Variants in ERBB4 observed in about 807,000 individuals in gnomAD.
ERBB4 encodes receptor tyrosine-protein kinase erbB-4.
A neutral mutation model predicts 158.0 loss-of-function variants in ERBB4; 42 were observed. The observed-to-expected ratio is 0.27, with a 90% CI of 0.21 to 0.34. ERBB4 has a LOEUF of 0.34. Ranked by LOEUF, ERBB4 falls within the 10% of genes least tolerant of loss-of-function variation. The pLI is 1.00. For synonymous variants in ERBB4, 583 were observed against 558.7 expected (o/e 1.04, Z -0.61); for missense variants, 1,333 against 1,624.1 (o/e 0.82, Z 3.08).
intron 1 of ERBB4, among the ~76,000 whole-genome samples, chr2:212,240,033 TG>T (rs768487171): frequency 1.2e-4 from 18 of 152,212 alleles, no homozygotes; most frequent in Non-Finnish European, 2.1e-4. Flanking sequence ...TCTGTAGCTA[TG>T]GTTAGACACC....
chr2:211,584,406 C>T (rs912280739), intron 19 of ERBB4, among the ~76,000 whole-genome samples: 4 of 151,982 alleles, frequency 2.6e-5, no homozygotes, highest in South Asian at 4.1e-4. Flanking sequence ...ATATGTTTAA[C>T]GAAATAGCAT....
intron 2 of ERBB4, among the ~76,000 whole-genome samples, chr2:212,064,825 C>A (rs1232389974): frequency 6.6e-6 from 1 of 151,970 alleles, no homozygotes; most frequent in Non-Finnish European, 1.5e-5. Context: ...GAGACCAGAA[C>A]AAGTAACTAT....
At chr2:211,666,424 T>A (rs1021858247) in intron 14 of ERBB4, among the ~76,000 whole-genome samples, 1 of 152,170 alleles carries the variant, frequency 6.6e-6, no homozygotes, top group African/African-American at 2.4e-5. Context: ...ATATGTGGAA[T>A]GTTAATAAGT....
intron 1 of ERBB4, among the ~76,000 whole-genome samples, chr2:212,265,786 T>C (rs941671205): frequency 6.6e-6 from 1 of 152,104 alleles, no homozygotes; most frequent in Non-Finnish European, 1.5e-5. Context: ...TCAATTACTT[T>C]GTCTTTCTGA....
chr2:211,864,441 T>C (rs1469866733), intron 3 of ERBB4, among the ~76,000 whole-genome samples: 1 of 152,130 alleles, frequency 6.6e-6, no homozygotes, highest in Admixed American at 6.5e-5. Flanking sequence ...GCTGCATGCT[T>C]GCACAAAAGC....
chr2:212,098,291 C>T (rs956472234), intron 2 of ERBB4, among the ~76,000 whole-genome samples: 2 of 152,082 alleles, frequency 1.3e-5, no homozygotes, highest in Non-Finnish European at 2.9e-5. Context: ...CTTGACTTTG[C>T]ATTTAAAGGG....
intron 20 of ERBB4, among the ~76,000 whole-genome samples, chr2:211,464,895 C>A (rs2064634989): frequency 6.6e-6 from 1 of 151,476 alleles, no homozygotes; most frequent in Non-Finnish European, 1.5e-5. Flanking sequence ...TGCATATTAA[C>A]AAGCACAATA....
chr2:212,066,257 G>A lies in ERBB4; in HGVS notation c.234+58495C>T, dbSNP rs547317612. On this transcript the variant is annotated intron_variant, in intron 2 of 27. Coordinates refer to ENST00000342788, the MANE Select transcript of ERBB4 (RefSeq NM_005235.3). ...TAAAGATTAAGAGGGTTTTCAAAAA[G>A]TATAATGACTTGATGACTTTCCATA... Among the ~76,000 whole-genome samples, 37 of 151,996 alleles carry A rather than the reference G, an allele frequency of 2.4e-4. 1 individual carries two copies. In the South Asian group the frequency reaches 4.8e-3, roughly 20 times the overall value.
intron 20 of ERBB4, among the ~76,000 whole-genome samples, chr2:211,514,536 A>G (rs1313250575): frequency 6.6e-6 from 1 of 152,188 alleles, no homozygotes; most frequent in Non-Finnish European, 1.5e-5. Context: ...CACTACTTGG[A>G]GGCTCCGTAA....
intron 20 of ERBB4, among the ~76,000 whole-genome samples, chr2:211,512,137 A>G (rs1282143932): frequency 6.6e-6 from 1 of 152,142 alleles, no homozygotes; most frequent in African/African-American, 2.4e-5. Context: ...GCAACATTCA[A>G]TTTGGAACTT....
intron 1 of ERBB4, among the ~76,000 whole-genome samples, chr2:212,449,080 G>A (rs1277634274): frequency 6.6e-6 from 1 of 152,126 alleles, no homozygotes; most frequent in Non-Finnish European, 1.5e-5. Flanking sequence ...TTTAATAGAA[G>A]TGTGGCTTCT....
At chr2:212,371,538 A>G (rs1015964221) in intron 1 of ERBB4, among the ~76,000 whole-genome samples, 1 of 152,196 alleles carries the variant, frequency 6.6e-6, no homozygotes, top group African/African-American at 2.4e-5. Context: ...AATCCAATGC[A>G]AGTTCTATTG....
At chr2:212,131,298 C>A (rs972860053) in intron 1 of ERBB4, among the ~76,000 whole-genome samples, 4 of 152,152 alleles carry the variant, frequency 2.6e-5, no homozygotes, top group African/African-American at 9.7e-5. Flanking sequence ...ACCCAGAGAA[C>A]AGAATAATAT....
At chr2:211,475,380 T>C (rs1390268817) in intron 20 of ERBB4, among the ~76,000 whole-genome samples, 1 of 152,056 alleles carries the variant, frequency 6.6e-6, no homozygotes, top group South Asian at 2.1e-4. Flanking sequence ...CCTCACAGTG[T>C]TACTGTGAAA....
At chr2:212,376,624 G>C (rs746688813) in intron 1 of ERBB4, among the ~76,000 whole-genome samples, 3 of 151,876 alleles carry the variant, frequency 2.0e-5, no homozygotes, top group Admixed American at 6.6e-5. Context: ...GGCTCCTTTG[G>C]ACTTCTTTTT....
chr2:211,913,615 A>ATG (rs572744537), intron 3 of ERBB4, among the ~76,000 whole-genome samples: 2 of 102,804 alleles, frequency 1.9e-5, no homozygotes, highest in Admixed American at 1.2e-4. Context: ...AAATATATAT[A>ATG]TATATGTGTG....
At chr2:211,421,178 T>C (rs550025243) in intron 24 of ERBB4, among the ~76,000 whole-genome samples, 22 of 151,902 alleles carry the variant, frequency 1.4e-4, no homozygotes, top group Admixed American at 7.2e-4. Flanking sequence ...ATTTCTTAAG[T>C]ATTTTTCCTA....
intron 9 of ERBB4, among the ~76,000 whole-genome samples, chr2:211,707,259 G>A (rs1424481563): frequency 6.6e-6 from 1 of 152,132 alleles, no homozygotes; most frequent in African/African-American, 2.4e-5. Flanking sequence ...AGAGACTCAG[G>A]ACCCTTGTCA....
chr2:211,839,219 GAA>G (rs201384914), intron 3 of ERBB4, among the ~76,000 whole-genome samples: 3 of 146,810 alleles, frequency 2.0e-5, no homozygotes, highest in Non-Finnish European at 3.0e-5. Flanking sequence ...GAGAGAGAGA[GAA>G]AGAGAGAAAG....
Sources: allele counts gnomAD v4.1 joint callset (sites outside exome capture counted in the v4.1 genomes callset), GRCh38; gene constraint gnomAD v4.1.1; transcripts MANE v1.5; gene names NCBI Gene and HGNC (gene_info 2026-07-23, HGNC 2026-07-21).